HTR2A: variants seen among roughly 807,000 people sequenced by gnomAD.
HTR2A encodes 5-HT2 receptor.
A neutral mutation model predicts 31.0 loss-of-function variants in HTR2A; 14 were observed. The observed-to-expected ratio is 0.45, with a 90% CI of 0.30 to 0.71. The LOEUF is 0.71. HTR2A is among the 30% of genes least tolerant of loss of function. HTR2A has a pLI of 0.09. For missense variants in HTR2A, 442 were observed against 573.3 expected (o/e 0.77, Z 2.34); for synonymous variants, 209 against 225.2 (o/e 0.93, Z 0.64).
Position 46,895,959 on chromosome 13 carries a change from G to A in HTR2A, c.-53C>T. ...GGTGTAGAAGGACTAACAGGTTATAGTTTCTGCTCACCATTCACCTTGATG... is the reference window on the plus strand; with the variant it reads ...GGTGTAGAAGGACTAACAGGTTATAATTTCTGCTCACCATTCACCTTGATG... On this transcript the variant is annotated 5_prime_UTR_variant, in exon 2 of 4. Transcript: ENST00000542664. This position sits in a 1 kb window ranked among gnomAD's most constrained non-coding sequence, Gnocchi z 4.4. 1 of 1,547,312 alleles carries A rather than the reference G, an allele frequency of 6.5e-7. No individual in the cohort carries two copies.
intron 3 of HTR2A, among the ~76,000 whole-genome samples, chr13:46,884,845 C>T (rs1801706657): frequency 6.8e-6 from 1 of 147,524 alleles, no homozygotes; most frequent in African/African-American, 2.6e-5. Context: ...TATATATCTC[C>T]ACATATTATC....
rs1876319968 is a variant in HTR2A at position 46,833,412 on chromosome 13, T to A, written c.*1425A>T. 6.6e-6 allele frequency: 1 copy of A among 152,116 alleles called. No homozygotes were observed. Among genetic ancestry groups the A allele is most frequent in the African/African-American group, 2.4e-5 (1 of 41,412 alleles). The allele number at this position is 152,116 out of a possible 1,614,324, so 9.4% of individuals were successfully genotyped here. On this transcript the variant is annotated 3_prime_UTR_variant, in exon 4 of 4. Coordinates refer to ENST00000542664, the MANE Select transcript of HTR2A (RefSeq NM_000621.5). ...TCTCACTCTGTTGCCCAGGAGGAAA[T>A]GGCAGTGGTGTGAACTTGGCTCACT...
At chr13:46,867,288 A>G (rs78967094) in intron 3 of HTR2A, among the ~76,000 whole-genome samples, 14,751 of 152,234 alleles carry the variant, frequency 0.097, 1,000 homozygotes, top group Non-Finnish European at 0.15. Context: ...AATGCCTACT[A>G]TGTGCTAGGT....
intron 3 of HTR2A, among the ~76,000 whole-genome samples, chr13:46,844,648 C>A (rs1950626944): frequency 6.6e-6 from 1 of 152,138 alleles, no homozygotes; most frequent in African/African-American, 2.4e-5. Context: ...TTATTTTTCA[C>A]AAAGTGTCTT....
chr13:46,872,337 C>T (rs1218119651), intron 3 of HTR2A, among the ~76,000 whole-genome samples: 1 of 152,048 alleles, frequency 6.6e-6, no homozygotes, highest in African/African-American at 2.4e-5. Context: ...TTTATTTGAC[C>T]ACTCTGTATA....
intron 3 of HTR2A, among the ~76,000 whole-genome samples, chr13:46,854,936 C>T (rs536154201): frequency 1.4e-4 from 21 of 152,074 alleles, no homozygotes; most frequent in African/African-American, 4.3e-4. Context: ...TAATCCACTA[C>T]GACTGAACTT....
intron 3 of HTR2A, among the ~76,000 whole-genome samples, chr13:46,882,246 G>T (rs1402458247): frequency 6.7e-6 from 1 of 148,668 alleles, no homozygotes; most frequent in East Asian, 2.0e-4. Context: ...AAAAGAGAAA[G>T]TACTAAATCA....
intron 2 of HTR2A, among the ~76,000 whole-genome samples, chr13:46,894,796 C>A (rs1323225377): frequency 6.6e-6 from 1 of 152,136 alleles, no homozygotes; most frequent in African/African-American, 2.4e-5. Context: ...CAAGATTAAT[C>A]CCTTCCCATT....
At chr13:46,894,010 G>C (rs1197873988) in intron 2 of HTR2A, among the ~76,000 whole-genome samples, 3 of 152,228 alleles carry the variant, frequency 2.0e-5, no homozygotes, top group African/African-American at 7.2e-5. Context: ...CGCCTTATGG[G>C]GGAAGCCACG....
At chr13:46,880,975 A>G (rs2138239981) in intron 3 of HTR2A, among the ~76,000 whole-genome samples, 1 of 152,332 alleles carries the variant, frequency 6.6e-6, no homozygotes, top group African/African-American at 2.4e-5. Flanking sequence ...ATGTTTTCCC[A>G]AAGATGAGGC....
At position 46,888,719 on chromosome 13, in the gene HTR2A, A is replaced by T. The variant is rs1951028525; in HGVS notation, c.613+3671T>A. 2.0e-5 allele frequency among the ~76,000 whole-genome samples: 3 copies of T among 152,242 alleles called. 1 individual carries two copies. The highest frequency in any genetic ancestry group is 4.8e-5 in the African/African-American group (2 of 41,470). ...TATAATGATGTCTTATGGGTTTAAA[A>T]AAGACATTTAGTAAATAGGGAAAAA... On this transcript the variant is annotated intron_variant, in intron 3 of 3. Coordinates refer to ENST00000542664, the MANE Select transcript of HTR2A (RefSeq NM_000621.5).
chr13:46,886,876 C>T (rs1026608803), intron 3 of HTR2A, among the ~76,000 whole-genome samples: 1 of 152,122 alleles, frequency 6.6e-6, no homozygotes, highest in African/African-American at 2.4e-5. Flanking sequence ...GCTCAGAGCT[C>T]CTCAAAATGG....
intron 3 of HTR2A, among the ~76,000 whole-genome samples, chr13:46,851,360 C>T (rs945007907): frequency 5.3e-5 from 8 of 152,132 alleles, no homozygotes; most frequent in African/African-American, 1.9e-4. Context: ...GAATGAGCTC[C>T]TTGATACATT....
At chr13:46,859,450 T>C (rs549339009) in intron 3 of HTR2A, among the ~76,000 whole-genome samples, 248 of 152,342 alleles carry the variant, frequency 1.6e-3, no homozygotes, top group Middle Eastern at 6.8e-3. Context: ...TGATAGGGTT[T>C]GGATCTGTGT....
intron 3 of HTR2A, among the ~76,000 whole-genome samples, chr13:46,843,533 T>C (rs1950616514): frequency 6.6e-6 from 1 of 152,062 alleles, no homozygotes; most frequent in Non-Finnish European, 1.5e-5. Flanking sequence ...CCTGAGGGCA[T>C]AGGCCTTGGA....
At chr13:46,874,321 C>G (rs1950889112) in intron 3 of HTR2A, among the ~76,000 whole-genome samples, 1 of 152,172 alleles carries the variant, frequency 6.6e-6, no homozygotes, top group Non-Finnish European at 1.5e-5. Context: ...AAAAGGCGAA[C>G]ACAGGCTGGC....
chr13:46,835,621 G>C lies in HTR2A; in HGVS notation c.632C>G (p.Pro211Arg), dbSNP rs1487469623. 1 of 1,612,830 alleles carries C rather than the reference G, an allele frequency of 6.2e-7. No individual in the cohort carries two copies. Among genetic ancestry groups the C allele is most frequent in the Admixed American group, 1.7e-5 (1 of 59,884 alleles). The change falls in exon 4 of 4, where the codon CCA (proline) becomes CGA (arginine). Residue 211 changes from proline (P) to arginine (R), a missense_variant. Pro to Arg is a moderately radical substitution (Grantham distance 103, BLOSUM62 -2). Coordinates refer to ENST00000542664, the MANE Select transcript of HTR2A (RefSeq NM_000621.5). ...CGAATCGTCCTGTAGCCCAAAGACT[G>C]GTATTGGCATGGATATACCTGGAGT... ...TISVGISMPI[P>R]VFGLQDDSKV...
At position 46,832,433 on chromosome 13, in the gene HTR2A, A is replaced by G. The variant is rs1464290585; in HGVS notation, c.*2404T>C. On this transcript the variant is annotated 3_prime_UTR_variant, in exon 4 of 4. Coordinates refer to ENST00000542664, the MANE Select transcript of HTR2A (RefSeq NM_000621.5). ...GAATAGATACTTATGGAAGAAAAAA[A>G]CACATACACATTTGTAATATATAGG... 1 of 152,216 alleles carries G rather than the reference A, an allele frequency of 6.6e-6. No homozygotes were observed. Among genetic ancestry groups the G allele is most frequent in the Non-Finnish European group, 1.5e-5 (1 of 68,024 alleles). The allele number at this position is 152,216 out of a possible 1,614,324, so 9.4% of individuals were successfully genotyped here.
At chr13:46,871,397 G>C (rs544052301) in intron 3 of HTR2A, among the ~76,000 whole-genome samples, 1 of 152,166 alleles carries the variant, frequency 6.6e-6, no homozygotes, top group East Asian at 1.9e-4. Context: ...ACCTCTTTTG[G>C]TCCATCAGTT....
Sources: allele counts gnomAD v4.1 joint callset (sites outside exome capture counted in the v4.1 genomes callset), GRCh38; gene constraint gnomAD v4.1.1; non-coding constraint Gnocchi (gnomAD v3.1); transcripts MANE v1.5; gene names NCBI Gene and HGNC (gene_info 2026-07-23, HGNC 2026-07-21).